GSE1: variants seen among roughly 807,000 people sequenced by gnomAD.
The protein encoded by GSE1 is Gse1 coiled-coil protein.
A neutral mutation model predicts 112.6 loss-of-function variants in GSE1; 32 were observed. That is an observed-to-expected ratio of 0.28 (90% CI 0.21 to 0.38). The LOEUF (loss-of-function observed/expected upper bound fraction) is 0.38, where lower values mean the gene tolerates loss of function less well. Ranked by LOEUF, GSE1 falls within the 10% of genes least tolerant of loss-of-function variation. The pLI, the probability that GSE1 is intolerant of heterozygous loss-of-function variation, is 1.00. For synonymous variants in GSE1, 1,115 were observed against 735.6 expected, an observed-to-expected ratio of 1.52 and a Z score of -8.35; for missense variants, 2,348 against 1,699.2, an observed-to-expected ratio of 1.38 and a Z score of -6.71.
chr16:85,644,270 T>C (rs1196918512), intron 2 of GSE1, among the ~76,000 whole-genome samples: 6 of 150,460 alleles, frequency 4.0e-5, no homozygotes, highest in Non-Finnish European at 8.9e-5. Flanking sequence ...ACCCAGGAGG[T>C]TGAGGCTGCA....
chr16:85,462,430 C>T (rs111996297), intron 2 of GSE1, among the ~76,000 whole-genome samples: 2,111 of 152,052 alleles, frequency 0.014, 42 homozygotes, highest in African/African-American at 0.048. Context: ...CCCCCTCCTC[C>T]CTGATGAAAA....
chr16:85,516,832 C>G (rs916586627), intron 2 of GSE1, among the ~76,000 whole-genome samples: 1 of 145,338 alleles, frequency 6.9e-6, no homozygotes, highest in South Asian at 2.1e-4. Flanking sequence ...GAGTCTCGCT[C>G]TATCGCCCAG....
intron 1 of GSE1, among the ~76,000 whole-genome samples, chr16:85,270,076 T>C (rs1359795262): frequency 6.7e-6 from 1 of 149,138 alleles, no homozygotes; most frequent in East Asian, 1.9e-4. Context: ...CCTCCTTCCA[T>C]GCGGCTATGT....
intron 1 of GSE1, among the ~76,000 whole-genome samples, chr16:85,345,065 C>G (rs554667990): frequency 1.3e-5 from 2 of 152,214 alleles, no homozygotes; most frequent in African/African-American, 4.8e-5. Context: ...TCGGCGTACA[C>G]CGTGCCCCAC....
intron 1 of GSE1, among the ~76,000 whole-genome samples, chr16:85,221,330 A>ACCC (rs1269993900): frequency 1.1e-4 from 16 of 148,022 alleles, no homozygotes; most frequent in African/African-American, 4.0e-4. Flanking sequence ...ACACACACAC[A>ACCC]CACACCCCAA....
rs754104340 is a variant in GSE1, at chr16:85,661,115, C to A, written c.1641-31C>A. ...TGTGGATGACTGAAGGGTCTTTTCT[C>A]CCTGACTGAAGGGTTGGTTTCACTC... is the stretch of plus-strand genomic sequence containing the variant. On this transcript the variant is annotated intron_variant, in intron 8 of 15. Transcript: ENST00000253458. 5.2e-6 allele frequency: 8 copies of A among 1,533,368 alleles called. No homozygotes were observed. In the South Asian group the frequency reaches 7.4e-5, roughly 14 times the overall value. The allele number at this position is 1,533,368 out of a possible 1,614,324, so 95.0% of individuals were successfully genotyped here. A position where few individuals can be genotyped will look rare whatever the true frequency, so the allele number is the denominator to read the frequency against.
chr16:85,512,800 G>A lies in GSE1; in HGVS notation c.2465-121114G>A, dbSNP rs147272043. 4.6e-3 allele frequency among the ~76,000 whole-genome samples: 695 copies of A among 152,258 alleles called. 11 individuals carry two copies. Among genetic ancestry groups the A allele is most frequent in the Non-Finnish European group, 1.7e-3 (113 of 68,026 alleles). ...GGTGGAGACAGAAGCTAATTTAATC[G>A]CAGGTCCGAGAGGGTCGGGTATAGG... On this transcript the variant is annotated intron_variant, in intron 2 of 2. Transcript: ENST00000637419.
chr16:85,615,940 G>A (rs2048343167), intron 1 of GSE1, among the ~76,000 whole-genome samples: 1 of 152,220 alleles, frequency 6.6e-6, no homozygotes, highest in South Asian at 2.1e-4. Context: ...GGCGGACACC[G>A]CGCTCACAGC....
intron 2 of GSE1, among the ~76,000 whole-genome samples, chr16:85,454,799 G>A (rs929677919): frequency 6.6e-5 from 10 of 152,046 alleles, no homozygotes; most frequent in Admixed American, 4.6e-4. Context: ...ATGGGTCCAC[G>A]TCTCCTTCTC....
chr16:85,282,551 G>A (rs1597279751), intron 1 of GSE1, among the ~76,000 whole-genome samples: 1 of 152,200 alleles, frequency 6.6e-6, no homozygotes, highest in Non-Finnish European at 1.5e-5. Flanking sequence ...GCACAGGATC[G>A]GGGAAACGTT....
intron 2 of GSE1, among the ~76,000 whole-genome samples, chr16:85,483,681 C>G (rs1334717800): frequency 6.6e-6 from 1 of 152,284 alleles, no homozygotes; most frequent in African/African-American, 2.4e-5. Context: ...TGAGAACATG[C>G]TGGCAAAAGC....
At chr16:85,528,643 G>T (rs2052442972) in intron 2 of GSE1, among the ~76,000 whole-genome samples, 1 of 58,234 alleles carries the variant, frequency 1.7e-5, no homozygotes, top group East Asian at 3.6e-4. Flanking sequence ...GCTGTTTTTT[G>T]TTTTGTTTTG....
At chr16:85,469,070 T>C (rs2050207870) in intron 2 of GSE1, among the ~76,000 whole-genome samples, 1 of 151,964 alleles carries the variant, frequency 6.6e-6, no homozygotes, top group South Asian at 2.1e-4. Flanking sequence ...GCCCGGCCAA[T>C]GTGGCAAAAT....
chr16:85,260,972 G>A (rs1284896268), intron 1 of GSE1, among the ~76,000 whole-genome samples: 1 of 152,196 alleles, frequency 6.6e-6, no homozygotes, highest in Non-Finnish European at 1.5e-5. Context: ...GGAAAGGCCC[G>A]GCCTGGCATC....
chr16:85,637,241 A>G (rs1487589728), intron 2 of GSE1, among the ~76,000 whole-genome samples: 1 of 152,128 alleles, frequency 6.6e-6, no homozygotes, highest in Non-Finnish European at 1.5e-5. Context: ...ACCTGTGGGC[A>G]TTTTGTACAC....
intron 2 of GSE1, among the ~76,000 whole-genome samples, chr16:85,364,605 T>C (rs1428440452): frequency 6.6e-6 from 1 of 152,138 alleles, no homozygotes; most frequent in Non-Finnish European, 1.5e-5. Context: ...CAAGCTGTGG[T>C]CTCTGCTTCC....
chr16:85,396,350 C>A (rs992012568), intron 2 of GSE1, among the ~76,000 whole-genome samples: 23 of 152,234 alleles, frequency 1.5e-4, no homozygotes, highest in African/African-American at 4.8e-4. Context: ...CGTGGCCCAG[C>A]GCAGACAGGC....
intron 2 of GSE1, among the ~76,000 whole-genome samples, chr16:85,526,315 C>G (rs1168254894): frequency 6.6e-6 from 1 of 152,242 alleles, no homozygotes; most frequent in Admixed American, 6.5e-5. Flanking sequence ...ATGGGGCGTG[C>G]AAGGCAATGT....
At chr16:85,432,162 G>C (rs956955301) in intron 2 of GSE1, among the ~76,000 whole-genome samples, 21 of 152,254 alleles carry the variant, frequency 1.4e-4, no homozygotes, top group Non-Finnish European at 4.4e-5. Flanking sequence ...CCCTTAGAGT[G>C]TCATAAGGTT....
Sources: gnomAD v4.1 joint callset for allele counts (sites outside exome capture counted in the v4.1 genomes callset) on GRCh38, gnomAD v4.1.1 for gene constraint, MANE v1.5 for transcripts, NCBI Gene and HGNC (gene_info 2026-07-23, HGNC 2026-07-21) for gene names.